PBX1: variants seen among roughly 807,000 people sequenced by gnomAD.
PBX1 encodes the protein pre-B-cell leukemia transcription factor 1.
A neutral mutation model predicts 53.4 loss-of-function variants in PBX1; 6 were observed. The observed-to-expected ratio is 0.11, with a 90% CI of 0.06 to 0.22. The LOEUF (loss-of-function observed/expected upper bound fraction) is 0.22. Among genes scored for constraint, PBX1 ranks in the 10% least tolerant of loss-of-function variants. The pLI is 1.00. For missense variants in PBX1, 251 were observed against 551.4 expected, an observed-to-expected ratio of 0.46 and a Z score of 5.46; for synonymous variants, 204 against 212.3, an observed-to-expected ratio of 0.96 and a Z score of 0.34.
At chr1:164,693,974 C>T (rs1780352) in intron 2 of PBX1, among the ~76,000 whole-genome samples, 35,875 of 152,028 alleles carry the variant, frequency 0.24, 4,465 homozygotes, top group East Asian at 0.45. Context: ...ATCTTCTGTA[C>T]CTCCTAACCC....
rs190159894 is a variant in PBX1, at chr1:164,849,266, G to C, written c.*2590G>C. The C allele has an allele frequency of 6.5e-6, 10 of 1,529,410 alleles. No individual in the cohort carries two copies. In the South Asian group the frequency reaches 1.1e-4, roughly 17 times the overall value. The allele number at this position is 1,529,410 out of a possible 1,614,324, so 94.7% of individuals were successfully genotyped here. The stretch of plus-strand genomic sequence containing the variant: ...TGCACAGGCAGTTTCTCTCCGGGCC[G>C]TAGTTTTCACTGATGATCACCTTTC... On this transcript the variant is annotated 3_prime_UTR_variant, in exon 9 of 9. Coordinates refer to ENST00000420696, the MANE Select transcript of PBX1 (RefSeq NM_002585.4).
intron 4 of PBX1, among the ~76,000 whole-genome samples, chr1:164,802,195 G>A (rs530262786): frequency 6.2e-4 from 95 of 152,320 alleles, no homozygotes; most frequent in African/African-American, 2.0e-3. Context: ...CTATTGCTGC[G>A]TAGCAGATTA....
intron 2 of PBX1, among the ~76,000 whole-genome samples, chr1:164,635,334 G>A (rs1428579931): frequency 2.6e-5 from 4 of 152,068 alleles, no homozygotes; most frequent in Non-Finnish European, 5.9e-5. Flanking sequence ...GGCGAGGGGG[G>A]AGGGAGGGGA....
At position 164,802,328 on chromosome 1, in the gene PBX1, A is replaced by C. The variant is rs560163757; in HGVS notation, c.701+2439A>C. Among the ~76,000 whole-genome samples, 5 of 152,360 alleles carry C rather than the reference A, an allele frequency of 3.3e-5. No homozygotes were observed. The South Asian group carries it at 1.0e-3, about 32-fold the overall frequency. On this transcript the variant is annotated intron_variant, in intron 4 of 8. Coordinates refer to ENST00000420696, the MANE Select transcript of PBX1 (RefSeq NM_002585.4). ...TCACAGCGAATCTGTAATCAAGCTT[A>C]TAAGCTGAGGCTGTGATCTCGTCTG... is the stretch of plus-strand genomic sequence containing the variant.
chr1:164,801,730 T>G (rs1295910133), intron 4 of PBX1, among the ~76,000 whole-genome samples: 1 of 152,238 alleles, frequency 6.6e-6, no homozygotes, highest in East Asian at 1.9e-4. Flanking sequence ...TTACAACATT[T>G]GAATCATTGC....
chr1:164,640,872 A>G (rs1659101277), intron 2 of PBX1, among the ~76,000 whole-genome samples: 1 of 152,110 alleles, frequency 6.6e-6, no homozygotes. Context: ...CTTGTGTCTT[A>G]AAGCAAACAC....
intron 4 of PBX1, among the ~76,000 whole-genome samples, chr1:164,801,096 A>G (rs1307254600): frequency 6.6e-6 from 1 of 152,210 alleles, no homozygotes; most frequent in Non-Finnish European, 1.5e-5. Context: ...TGCATGGAAT[A>G]TAACATGAGA....
chr1:164,560,397 G>A, intron 1 of PBX1: 1 of 394,314 alleles, frequency 2.5e-6, no homozygotes, highest in South Asian at 1.4e-4. Flanking sequence ...AGCATTCCAT[G>A]CCTTCTTGTT....
intron 2 of PBX1, among the ~76,000 whole-genome samples, chr1:164,694,943 A>C (rs763833441): frequency 3.3e-5 from 5 of 152,276 alleles, no homozygotes; most frequent in Non-Finnish European, 5.9e-5. Flanking sequence ...TAAGCAGCCC[A>C]TCGCATCTGA....
At chr1:164,632,107 C>T (rs1658447511) in intron 2 of PBX1, among the ~76,000 whole-genome samples, 1 of 152,192 alleles carries the variant, frequency 6.6e-6, no homozygotes, top group Non-Finnish European at 1.5e-5. Flanking sequence ...TTCACACCAC[C>T]CCCTCTCTGG....
chr1:164,709,611 G>A (rs1403002651), intron 2 of PBX1, among the ~76,000 whole-genome samples: 1 of 151,884 alleles, frequency 6.6e-6, no homozygotes, highest in Non-Finnish European at 1.5e-5. Flanking sequence ...GCAATTTCTT[G>A]CATAGGTCTG....
At chr1:164,646,433 GT>G (rs2101911067) in intron 2 of PBX1, among the ~76,000 whole-genome samples, 1 of 152,262 alleles carries the variant, frequency 6.6e-6, no homozygotes, top group Non-Finnish European at 1.5e-5. Flanking sequence ...CTAGAGGGTG[GT>G]TTTTAGAGCT....
At chr1:164,820,673 T>C (rs1016674313) in intron 7 of PBX1, among the ~76,000 whole-genome samples, 2 of 152,328 alleles carry the variant, frequency 1.3e-5, no homozygotes, top group Admixed American at 6.5e-5. Context: ...CATTTCTTAG[T>C]CATCCTTGAG....
chr1:164,844,293 G>T (rs1163317497), intron 8 of PBX1, among the ~76,000 whole-genome samples: 2 of 151,904 alleles, frequency 1.3e-5, no homozygotes, highest in Non-Finnish European at 2.9e-5. Flanking sequence ...GGAACCTGCT[G>T]CATTCCCCAG....
In PBX1 at chr1:164,617,805, A is replaced by C. The variant is rs138291014; in HGVS notation, c.265+54494A>C. ...GGATCAGTTACAGTTAAAAAAGACC[A>C]GTTTCCATATTCCACTAACTTCTAC... is the stretch of plus-strand genomic sequence containing the variant. On this transcript the variant is annotated intron_variant, in intron 2 of 8. Transcript: ENST00000420696. Among the ~76,000 whole-genome samples, 506 of 152,340 alleles carry C rather than the reference A, an allele frequency of 3.3e-3. 3 individuals are homozygous for C. The highest frequency in any genetic ancestry group is 5.5e-3 in the Non-Finnish European group (372 of 68,040).
In PBX1 at chr1:164,849,293, C is replaced by T; in HGVS notation, c.*2617C>T. ...AGTTTTCACTGATGATCACCTTTCA[C>T]AGCATTTTCCCCAACCAGCATTTCA... On this transcript the variant is annotated 3_prime_UTR_variant, in exon 9 of 9. Coordinates refer to ENST00000420696, the MANE Select transcript of PBX1 (RefSeq NM_002585.4). The T allele has an allele frequency of 6.5e-7, 1 of 1,534,522 alleles. No homozygotes were observed. Among genetic ancestry groups the T allele is most frequent in the Non-Finnish European group, 8.7e-7 (1 of 1,146,072 alleles).
chr1:164,650,930 G>C (rs1659767832), intron 2 of PBX1, among the ~76,000 whole-genome samples: 1 of 150,510 alleles, frequency 6.6e-6, no homozygotes, highest in Non-Finnish European at 1.5e-5. Context: ...GGGAGGGATG[G>C]TGGTTGAAAA....
At chr1:164,665,623 T>G (rs945434175) in intron 2 of PBX1, among the ~76,000 whole-genome samples, 4 of 152,162 alleles carry the variant, frequency 2.6e-5, no homozygotes, top group Admixed American at 2.0e-4. Flanking sequence ...GGACACTGGT[T>G]AGTTCATAGA....
chr1:164,785,737 T>C lies in PBX1; in HGVS notation c.266-6757T>C, dbSNP rs192454945. Reference sequence around the variant, plus strand: ...GGTACTTGAGCAGTAATTTGTTTGATTGCACTGAGCGTTCCTCAGAGGGCC... The same window carrying C: ...GGTACTTGAGCAGTAATTTGTTTGACTGCACTGAGCGTTCCTCAGAGGGCC... On this transcript the variant is annotated intron_variant, in intron 2 of 8. Coordinates refer to ENST00000420696, the MANE Select transcript of PBX1 (RefSeq NM_002585.4). Among the ~76,000 whole-genome samples, 401 of 152,330 alleles carry C rather than the reference T, an allele frequency of 2.6e-3. 2 individuals carry two copies. The highest frequency in any genetic ancestry group is 0.01 in the South Asian group (49 of 4,826).
Sources: allele counts gnomAD v4.1 joint callset (sites outside exome capture counted in the v4.1 genomes callset), GRCh38; gene constraint gnomAD v4.1.1; transcripts MANE v1.5; gene names NCBI Gene and HGNC (gene_info 2026-07-23, HGNC 2026-07-21).